EPHA5: variants seen among roughly 807,000 people sequenced by gnomAD.
The protein encoded by EPHA5 is EPH receptor A5.
A neutral mutation model predicts 105.0 loss-of-function variants in EPHA5; 60 were observed. The ratio of observed to expected loss-of-function variants is 0.57; its 90% CI spans 0.46 to 0.71. EPHA5 has a LOEUF of 0.71. Among genes scored for constraint, EPHA5 ranks in the 30% least tolerant of loss-of-function variants. The pLI, the probability that EPHA5 is intolerant of heterozygous loss-of-function variation, is 0.00. For missense variants in EPHA5, 1,218 were observed against 1,274.7 expected (o/e 0.96, Z 0.68); for synonymous variants, 513 against 449.1 (o/e 1.14, Z -1.80).
At chr4:65,533,208 G>A (rs79451938) in intron 3 of EPHA5, among the ~76,000 whole-genome samples, 3,097 of 151,936 alleles carry the variant, frequency 0.02, 112 homozygotes, top group African/African-American at 0.07. Flanking sequence ...TCCTTGGTAG[G>A]CTTGCTGCTT....
chr4:65,333,647 C>T (rs1720901032), intron 15 of EPHA5, among the ~76,000 whole-genome samples: 1 of 114,678 alleles, frequency 8.7e-6, no homozygotes, highest in Middle Eastern at 5.5e-3. Flanking sequence ...GACTTTAAAA[C>T]TCTAAGGGAG....
intron 3 of EPHA5, among the ~76,000 whole-genome samples, chr4:65,533,229 G>T (rs550567256): frequency 2.0e-5 from 3 of 152,054 alleles, no homozygotes; most frequent in African/African-American, 7.2e-5. Flanking sequence ...AAGGCTTAAG[G>T]AATGTTAAAA....
intron 1 of EPHA5, among the ~76,000 whole-genome samples, chr4:65,647,124 T>C (rs186315570): frequency 5.9e-5 from 9 of 151,866 alleles, no homozygotes; most frequent in Admixed American, 2.6e-4. Flanking sequence ...GTTAGGAGAT[T>C]GAGACCATCC....
intron 3 of EPHA5, among the ~76,000 whole-genome samples, chr4:65,507,967 T>C (rs1161854029): frequency 1.3e-5 from 2 of 152,068 alleles, no homozygotes; most frequent in Non-Finnish European, 2.9e-5. Flanking sequence ...AGCATAATTT[T>C]TGTGTACAAG....
chr4:65,641,073 T>G (rs1433725027), intron 2 of EPHA5, among the ~76,000 whole-genome samples: 4 of 152,164 alleles, frequency 2.6e-5, no homozygotes, highest in Non-Finnish European at 5.9e-5. Context: ...ATCAAGAGTG[T>G]CTTACAATGT....
intron 16 of EPHA5, chr4:65,330,968 A>T (rs1001791141): frequency 1.9e-6 from 2 of 1,044,422 alleles, no homozygotes; most frequent in South Asian, 9.2e-5. Flanking sequence ...GTACCCTGTT[A>T]CCTTCTGTGG....
At chr4:65,473,770 G>A (rs191740100) in intron 5 of EPHA5, among the ~76,000 whole-genome samples, 157 of 152,156 alleles carry the variant, frequency 1.0e-3, no homozygotes, top group Non-Finnish European at 1.6e-3. Context: ...AAATGATCCC[G>A]TAGTGAACAA....
At chr4:65,468,215 C>G (rs4860666) in intron 5 of EPHA5, among the ~76,000 whole-genome samples, 144,673 of 152,088 alleles carry the variant, frequency 0.95, 68,954 homozygotes, top group East Asian at 1. Flanking sequence ...GCTGAGGAAA[C>G]ATGGAACACC....
intron 3 of EPHA5, among the ~76,000 whole-genome samples, chr4:65,531,069 C>T (rs1403286400): frequency 6.7e-6 from 1 of 148,622 alleles, no homozygotes; most frequent in Non-Finnish European, 1.5e-5. Flanking sequence ...CTCGCTCTGT[C>T]GCCCAGGCCG....
At chr4:65,362,921 A>G (rs1717471817) in intron 11 of EPHA5, among the ~76,000 whole-genome samples, 1 of 151,718 alleles carries the variant, frequency 6.6e-6, no homozygotes, top group Non-Finnish European at 1.5e-5. Context: ...TGAGATTTAA[A>G]TAAGACTTTT....
chr4:65,492,663 A>T (rs1731529498), intron 4 of EPHA5, among the ~76,000 whole-genome samples: 1 of 152,130 alleles, frequency 6.6e-6, no homozygotes, highest in South Asian at 2.1e-4. Context: ...ATAATGTCTT[A>T]AAATGGAAAT....
intron 3 of EPHA5, among the ~76,000 whole-genome samples, chr4:65,511,974 T>A (rs1733668595): frequency 1.3e-5 from 2 of 152,044 alleles, no homozygotes; most frequent in Admixed American, 1.3e-4. Context: ...TGAAAAAAAA[T>A]TCCAAAGTTT....
intron 2 of EPHA5, among the ~76,000 whole-genome samples, chr4:65,637,225 G>GTTTTTTTT (rs33936787): frequency 7.2e-6 from 1 of 139,038 alleles, no homozygotes; most frequent in Non-Finnish European, 1.5e-5. Context: ...GCACAGAAAA[G>GTTTTTTTT]TTTTTTTTTT....
intron 2 of EPHA5, among the ~76,000 whole-genome samples, chr4:65,606,915 T>C (rs1744282804): frequency 6.6e-6 from 1 of 152,154 alleles, no homozygotes; most frequent in African/African-American, 2.4e-5. Context: ...AATCATAACT[T>C]TCTAGGAAGA....
At chr4:65,533,212 GC>G (rs2091149641) in intron 3 of EPHA5, among the ~76,000 whole-genome samples, 1 of 152,058 alleles carries the variant, frequency 6.6e-6, no homozygotes, top group Non-Finnish European at 1.5e-5. Flanking sequence ...TGGTAGGCTT[GC>G]TGCTTAAGGC....
intron 3 of EPHA5, among the ~76,000 whole-genome samples, chr4:65,543,963 A>T (rs1737114662): frequency 6.6e-6 from 1 of 152,124 alleles, no homozygotes; most frequent in Non-Finnish European, 1.5e-5. Flanking sequence ...GACAAACACA[A>T]GCAATGGGGA....
chr4:65,585,784 A>G (rs1466866056), intron 3 of EPHA5, among the ~76,000 whole-genome samples: 1 of 151,852 alleles, frequency 6.6e-6, no homozygotes, highest in Non-Finnish European at 1.5e-5. Flanking sequence ...ATTTAAAATT[A>G]TGAATTAGGA....
chr4:65,428,325 C>G (rs759967857), intron 5 of EPHA5, among the ~76,000 whole-genome samples: 4 of 152,070 alleles, frequency 2.6e-5, no homozygotes, highest in African/African-American at 9.7e-5. Context: ...TATATACTTA[C>G]ATACTTAGTA....
chr4:65,532,647 C>T (rs376035870), intron 3 of EPHA5, among the ~76,000 whole-genome samples: 1 of 137,652 alleles, frequency 7.3e-6, no homozygotes, highest in East Asian at 2.1e-4. Context: ...TTCGTTGAAT[C>T]TCTCACCAGC....
Sources: allele counts gnomAD v4.1 joint callset (sites outside exome capture counted in the v4.1 genomes callset), GRCh38; gene constraint gnomAD v4.1.1; transcripts MANE v1.5; gene names NCBI Gene and HGNC (gene_info 2026-07-23, HGNC 2026-07-21).